The following EXOC4 variants were observed in gnomAD, a reference collection of about 807,000 sequenced individuals.
EXOC4 encodes exocyst complex component 4, also known as SEC8-like 1.
A neutral mutation model predicts 107.2 loss-of-function variants in EXOC4; 71 were observed. The observed-to-expected ratio is 0.66, with a 90% CI of 0.55 to 0.81. The LOEUF is 0.81. Among genes scored for constraint, EXOC4 ranks in the 30% least tolerant of loss-of-function variants. The pLI is 0.00. For missense variants in EXOC4, 1,108 were observed against 1,189.6 expected, an observed-to-expected ratio of 0.93 and a Z score of 1.01; for synonymous variants, 456 against 441.2, an observed-to-expected ratio of 1.03 and a Z score of -0.42.
At chr7:133,675,636 G>A (rs112367823) in intron 10 of EXOC4, among the ~76,000 whole-genome samples, 110 of 152,244 alleles carry the variant, frequency 7.2e-4, no homozygotes, top group African/African-American at 2.6e-3. Flanking sequence ...AAATCATTCT[G>A]CTTTGTAGAT....
intron 9 of EXOC4, among the ~76,000 whole-genome samples, chr7:133,481,656 A>G (rs1233816173): frequency 6.6e-6 from 1 of 152,232 alleles, no homozygotes; most frequent in Non-Finnish European, 1.5e-5. Flanking sequence ...TGTGGTCACC[A>G]GAAGTAAAAG....
chr7:133,341,266 T>C (rs1795654467), intron 5 of EXOC4, among the ~76,000 whole-genome samples: 2 of 152,214 alleles, frequency 1.3e-5, no homozygotes. Context: ...TTTTCAGATT[T>C]CCATCTTGAT....
At chr7:134,082,521 A>C in the EXOC4 span, among the ~76,000 whole-genome samples, 1 of 151,950 alleles carries the variant, frequency 6.6e-6, no homozygotes, top group African/African-American at 2.4e-5. Flanking sequence ...GCTCACTGCA[A>C]CCTCCACCTC....
At chr7:133,295,628 T>C (rs961085255) in intron 3 of EXOC4, among the ~76,000 whole-genome samples, 3 of 152,170 alleles carry the variant, frequency 2.0e-5, no homozygotes, top group African/African-American at 7.2e-5. Context: ...TGTGAGTGCT[T>C]AGATAGCAGG....
chr7:133,598,755 G>A (rs1298519049), intron 9 of EXOC4, among the ~76,000 whole-genome samples: 1 of 152,150 alleles, frequency 6.6e-6, no homozygotes, highest in African/African-American at 2.4e-5. Flanking sequence ...GCTGAAGCGG[G>A]TGGATTACCT....
At chr7:133,419,036 G>C (rs2150755839) in intron 7 of EXOC4, among the ~76,000 whole-genome samples, 1 of 152,280 alleles carries the variant, frequency 6.6e-6, no homozygotes, top group Non-Finnish European at 1.5e-5. Flanking sequence ...CCTGGTGTAA[G>C]TGAATTCAAG....
chr7:133,627,014 C>G (rs1002137370), intron 9 of EXOC4, among the ~76,000 whole-genome samples: 1 of 152,112 alleles, frequency 6.6e-6, no homozygotes, highest in Non-Finnish European at 1.5e-5. Context: ...CAAGTTAGGT[C>G]TTTTTTCCTT....
intron 13 of EXOC4, among the ~76,000 whole-genome samples, chr7:133,936,228 A>C (rs1279956566): frequency 6.6e-6 from 1 of 152,098 alleles, no homozygotes; most frequent in Non-Finnish European, 1.5e-5. Context: ...CCTCAACATC[A>C]ACTGTGACGT....
chr7:133,487,879 G>T (rs1307922048), intron 9 of EXOC4, among the ~76,000 whole-genome samples: 1 of 151,986 alleles, frequency 6.6e-6, no homozygotes, highest in Non-Finnish European at 1.5e-5. Context: ...TAACAGCTTT[G>T]CTCATCTTAT....
chr7:133,978,088 A>C (rs941303433), intron 14 of EXOC4, among the ~76,000 whole-genome samples: 1 of 152,202 alleles, frequency 6.6e-6, no homozygotes, highest in Admixed American at 6.5e-5. Context: ...AGTGATAGGC[A>C]GCCAACTCTT....
At chr7:133,994,947 G>T (rs1351724117) in intron 14 of EXOC4, among the ~76,000 whole-genome samples, 1 of 152,036 alleles carries the variant, frequency 6.6e-6, no homozygotes, top group Non-Finnish European at 1.5e-5. Context: ...ATTCTTTCTT[G>T]TTAAGAAAAC....
chr7:133,612,024 A>G (rs1182256997), intron 9 of EXOC4, among the ~76,000 whole-genome samples: 1 of 152,158 alleles, frequency 6.6e-6, no homozygotes, highest in Non-Finnish European at 1.5e-5. Flanking sequence ...TTTAATAACA[A>G]CTATTGAAGG....
chr7:133,355,833 C>T (rs1315108068), intron 5 of EXOC4, among the ~76,000 whole-genome samples: 1 of 152,032 alleles, frequency 6.6e-6, no homozygotes, highest in Non-Finnish European at 1.5e-5. Context: ...GTATTGTTTT[C>T]CCTTAATCTT....
chr7:133,777,045 G>A (rs1032241442), intron 10 of EXOC4, among the ~76,000 whole-genome samples: 3 of 152,188 alleles, frequency 2.0e-5, no homozygotes, highest in African/African-American at 7.2e-5. Flanking sequence ...TGAGAGCCAA[G>A]AGAATTAATT....
chr7:134,053,758 A>T (rs11983788), intron 17 of EXOC4, among the ~76,000 whole-genome samples: 26,701 of 151,552 alleles, frequency 0.18, 2,699 homozygotes, highest in African/African-American at 0.27. Context: ...AAAATTGACC[A>T]GAATCTCCTT....
the EXOC4 span, among the ~76,000 whole-genome samples, chr7:134,083,941 C>T: frequency 9.8e-5 from 15 of 152,288 alleles, no homozygotes; most frequent in Middle Eastern, 6.8e-3. Flanking sequence ...CTGTGTGGGC[C>T]AATTTTTCTC....
chr7:133,898,138 A>G (rs1384549843), intron 12 of EXOC4, among the ~76,000 whole-genome samples: 1 of 152,016 alleles, frequency 6.6e-6, no homozygotes. Context: ...TGGCCATTGG[A>G]TACATTTAAA....
At chr7:133,672,386 GT>G (rs1451207120) in intron 10 of EXOC4, among the ~76,000 whole-genome samples, 1 of 136,874 alleles carries the variant, frequency 7.3e-6, no homozygotes, top group East Asian at 2.1e-4. Context: ...GTGAGACTCC[GT>G]TTAAAAAAAA....
At chr7:133,628,632 A>G (rs1004165521) in intron 9 of EXOC4, among the ~76,000 whole-genome samples, 49 of 152,304 alleles carry the variant, frequency 3.2e-4, no homozygotes, top group Admixed American at 1.0e-3. Context: ...ATCTTTTCAC[A>G]TTCTAAACTC....
Sources: allele counts gnomAD v4.1 joint callset (sites outside exome capture counted in the v4.1 genomes callset), GRCh38; gene constraint gnomAD v4.1.1; transcripts MANE v1.5; gene names NCBI Gene and HGNC (gene_info 2026-07-23, HGNC 2026-07-21).